NWD1: variants seen among roughly 807,000 people sequenced by gnomAD.
NWD1 encodes the protein NACHT domain- and WD repeat-containing protein 1.
A neutral mutation model predicts 135.1 loss-of-function variants in NWD1; 129 were observed. The ratio of observed to expected loss-of-function variants is 0.96; its 90% CI spans 0.83 to 1.11. NWD1 has a LOEUF of 1.11. NWD1 is among the 50% of genes least tolerant of loss of function. The pLI is 0.00. For synonymous variants in NWD1, 773 were observed against 786.0 expected, an observed-to-expected ratio of 0.98 and a Z score of 0.28; for missense variants, 1,740 against 1,851.3, an observed-to-expected ratio of 0.94 and a Z score of 1.10.
Position 16,814,984 on chromosome 19 carries a change from A to G in NWD1, c.4288-44A>G, listed in dbSNP as rs759896281. 6.3e-6 allele frequency: 10 copies of G among 1,589,674 alleles called. 1 individual carries two copies. The South Asian group carries it at 1.0e-4, about 16-fold the overall frequency. On this transcript the variant is annotated intron_variant, in intron 18 of 18. Transcript: ENST00000524140. ...CTGGAATGTGTAGGATTGGACCTCT[A>G]CACCCCATTTTTCTCATTTGTGTCC...
At chr19:16,814,607 G>A (rs572579479) in intron 18 of NWD1, among the ~76,000 whole-genome samples, 50 of 152,320 alleles carry the variant, frequency 3.3e-4, no homozygotes, top group African/African-American at 1.2e-3. Flanking sequence ...ATTATACATT[G>A]TAGTATAATA....
intron 11 of NWD1, among the ~76,000 whole-genome samples, chr19:16,774,409 A>G (rs1969528092): frequency 7.2e-6 from 1 of 139,362 alleles, no homozygotes; most frequent in Admixed American, 7.2e-5. Flanking sequence ...TCTATCCCCC[A>G]TCTCTAAATC....
At position 16,797,832 on chromosome 19, in the gene NWD1, T is replaced by G. The variant is rs1488330758; in HGVS notation, c.3405T>G (p.Val1135=). The change falls in exon 16 of 19, where the codon GTT becomes GTG. Residue 1135 remains valine, a synonymous_variant. Transcript: ENST00000524140. Reference sequence around the variant, plus strand: ...ATGAAGACATGGTGGAGACGGCTGTTTTTGGTACTGAGAACAACCTGATCA... The same window carrying G: ...ATGAAGACATGGTGGAGACGGCTGTGTTTGGTACTGAGAACAACCTGATCA... The part of the protein sequence containing the change: ...LEHEDMVETA[V]FGTENNLIIT... The G allele has an allele frequency of 6.2e-7, 1 of 1,614,110 alleles. No homozygotes were observed. The highest frequency in any genetic ancestry group is 1.7e-5 in the Admixed American group (1 of 60,006).
At chr19:16,808,682 A>G (rs1403147322) in intron 18 of NWD1, among the ~76,000 whole-genome samples, 3 of 152,004 alleles carry the variant, frequency 2.0e-5, no homozygotes, top group African/African-American at 7.3e-5. Flanking sequence ...ATCATAGCTC[A>G]TTGCAGCCTC....
intron 5 of NWD1, among the ~76,000 whole-genome samples, chr19:16,746,690 C>CAAAA (rs756038608): frequency 5.0e-4 from 63 of 126,734 alleles, no homozygotes; most frequent in African/African-American, 1.6e-3. Flanking sequence ...AAACAAAAAA[C>CAAAA]AACAAAAAAA....
intron 6 of NWD1, among the ~76,000 whole-genome samples, chr19:16,750,991 G>A (rs1034061896): frequency 1.3e-5 from 2 of 152,106 alleles, no homozygotes; most frequent in African/African-American, 4.8e-5. Flanking sequence ...GGAGGCCGAG[G>A]CGGGCGGATC....
At chr19:16,782,140 A>G (rs997997157) in intron 12 of NWD1, among the ~76,000 whole-genome samples, 27 of 150,690 alleles carry the variant, frequency 1.8e-4, no homozygotes, top group African/African-American at 6.6e-4. Flanking sequence ...TAACCCTTTT[A>G]TGTAATTAAG....
intron 3 of NWD1, among the ~76,000 whole-genome samples, chr19:16,735,745 G>T (rs1357232266): frequency 6.6e-6 from 1 of 150,916 alleles, no homozygotes. Flanking sequence ...CATAAGAATC[G>T]CTTGAACCCA....
At chr19:16,786,722 T>G (rs531697989) in intron 12 of NWD1, among the ~76,000 whole-genome samples, 2 of 152,190 alleles carry the variant, frequency 1.3e-5, no homozygotes, top group African/African-American at 4.8e-5. Flanking sequence ...AACTTTCGTA[T>G]TTTTAGTAGA....
intron 8 of NWD1, 42 bp from the exon 9 acceptor site, chr19:16,763,786 T>A: frequency 8.1e-7 from 1 of 1,233,254 alleles, no homozygotes; most frequent in Non-Finnish European, 1.2e-6. Context: ...AGTGAATGAA[T>A]GGGTTTGTGT....
At chr19:16,730,302 CAG>C (rs1967505134) in intron 2 of NWD1, among the ~76,000 whole-genome samples, 1 of 151,392 alleles carries the variant, frequency 6.6e-6, no homozygotes, top group South Asian at 2.1e-4. Context: ...AGCCTGGTGA[CAG>C]AGTAAGACTT....
In NWD1 at chr19:16,738,051, C is replaced by A. The variant is rs181357795; in HGVS notation, c.198+1301C>A. ...GGCCAACAAGCTATAGCCTGAAAGG[C>A]AAGTGTGGCCTGCTGCCTGTCTTTG... On this transcript the variant is annotated intron_variant, in intron 4 of 18. Transcript: ENST00000524140. Among the ~76,000 whole-genome samples the A allele has an allele frequency of 5.9e-5, 9 of 151,996 alleles. No individual in the cohort carries two copies. The East Asian group carries it at 1.2e-3, about 20-fold the overall frequency.
intron 17 of NWD1, 72 bp downstream of exon 17, chr19:16,800,234 T>C: frequency 1.4e-6 from 2 of 1,400,070 alleles, no homozygotes; most frequent in Non-Finnish European, 9.7e-7. Context: ...TAGGCTACTG[T>C]AACAAATCAT....
At chr19:16,746,648 G>A (rs1246419514) in intron 5 of NWD1, among the ~76,000 whole-genome samples, 1 of 150,566 alleles carries the variant, frequency 6.6e-6, no homozygotes, top group Non-Finnish European at 1.5e-5. Flanking sequence ...ACTCCAGCCT[G>A]GCAGCAGAGC....
rs558669705 is a variant in NWD1 at position 16,737,665 on chromosome 19, A to AT, written c.198+919dup. 3.7e-4 allele frequency among the ~76,000 whole-genome samples: 56 copies of AT among 150,806 alleles called. 1 individual carries two copies. Among genetic ancestry groups the AT allele is most frequent in the African/African-American group, 1.2e-3 (50 of 41,046 alleles). ...TCCAGATACATCCAAGAACGATCACATTTTCCTTAGAAATTCTAGAGCAGG... is the reference window on the plus strand; with the variant it reads ...TCCAGATACATCCAAGAACGATCACATTTTTCCTTAGAAATTCTAGAGCAGG... On this transcript the variant is annotated intron_variant, in intron 4 of 18. Coordinates refer to ENST00000524140, the MANE Select transcript of NWD1 (RefSeq NM_001007525.5).
At chr19:16,726,191 AC>A (rs1295967907) in intron 2 of NWD1, among the ~76,000 whole-genome samples, 6 of 151,918 alleles carry the variant, frequency 3.9e-5, no homozygotes, top group African/African-American at 1.4e-4. Context: ...CGAACTCTTG[AC>A]CTCAGGTGAT....
rs776976497 is a variant in NWD1, at chr19:16,791,485, C to A, written c.3076C>A (p.Leu1026Met). ...AGTGTCCAGGGATGGTGTGGTCAGT[C>A]TGTGGAGCTCAGCTACGGGAAAACT... ...LTVSRDGVVSLWSSATGKLQG... is the reference protein window; with the variant it reads ...LTVSRDGVVSMWSSATGKLQG... Residue 1026 changes from leucine to methionine, a missense_variant, in exon 14 of 19, where the codon CTG (leucine) becomes ATG (methionine). By Grantham distance (15) the Leu-to-Met change is conservative. Coordinates refer to ENST00000524140, the MANE Select transcript of NWD1 (RefSeq NM_001007525.5). 5 of 1,614,074 alleles carry A rather than the reference C, an allele frequency of 3.1e-6. No homozygotes were observed. In the South Asian group the frequency reaches 3.3e-5, roughly 11 times the overall value.
Position 16,791,635 on chromosome 19 carries a change from A to G in NWD1, c.3213+13A>G. 6.2e-7 allele frequency: 1 copy of G among 1,613,152 alleles called. No homozygotes were observed. Among genetic ancestry groups the G allele is most frequent in the Non-Finnish European group, 8.5e-7 (1 of 1,179,266 alleles). On this transcript the variant is annotated intron_variant, in intron 14 of 18. Coordinates refer to ENST00000524140, the MANE Select transcript of NWD1 (RefSeq NM_001007525.5). Reference sequence around the variant, plus strand: ...CTCCATCTCTTTGGTAAGCACCTTTACTGACTATGATGTGAACATTAACTC... The same window carrying G: ...CTCCATCTCTTTGGTAAGCACCTTTGCTGACTATGATGTGAACATTAACTC...
intron 9 of NWD1, among the ~76,000 whole-genome samples, chr19:16,764,256 G>A (rs1264829963): frequency 6.6e-6 from 1 of 152,142 alleles, no homozygotes; most frequent in Non-Finnish European, 1.5e-5. Context: ...TTGGTGCATA[G>A]AGTGAAAACC....
Sources: allele counts gnomAD v4.1 joint callset (sites outside exome capture counted in the v4.1 genomes callset), GRCh38; gene constraint gnomAD v4.1.1; transcripts MANE v1.5; gene names NCBI Gene and HGNC (gene_info 2026-07-23, HGNC 2026-07-21).